Variants in TMEM163 observed in about 807,000 individuals in gnomAD.
TMEM163 encodes transmembrane protein 163.
In TMEM163, 17 loss-of-function variants were observed where a neutral mutation model predicts 29.3. That is an observed-to-expected ratio of 0.58 (90% CI 0.40 to 0.87). The LOEUF is 0.87. Among genes scored for constraint, TMEM163 ranks in the 40% least tolerant of loss-of-function variants. TMEM163 has a pLI of 0.00. For missense variants in TMEM163, 303 were observed against 381.5 expected, an observed-to-expected ratio of 0.79 and a Z score of 1.71; for synonymous variants, 157 against 160.6, an observed-to-expected ratio of 0.98 and a Z score of 0.17.
Position 134,458,558 on chromosome 2 carries a change from G to A in TMEM163, c.668-385C>T, listed in dbSNP as rs761790144. On this transcript the variant is annotated intron_variant, in intron 6 of 7. Coordinates refer to ENST00000281924, the MANE Select transcript of TMEM163 (RefSeq NM_030923.5). The stretch of plus-strand genomic sequence containing the variant: ...CACAGTAGACATTCAAATACTTGGG[G>A]ACTCATATCTGAGTGTCTGCTGGGC... 6.9e-4 allele frequency: 132 copies of A among 192,396 alleles called. 1 individual carries two copies. The highest frequency in any genetic ancestry group is 4.8e-4 in the Admixed American group (9 of 18,838). 11.9% of individuals were successfully genotyped at this position (192,396 alleles called of 1,614,324 possible).
At chr2:134,658,353 C>A (rs1426620186) in intron 2 of TMEM163, among the ~76,000 whole-genome samples, 1 of 152,146 alleles carries the variant, frequency 6.6e-6, no homozygotes, top group African/African-American at 2.4e-5. Flanking sequence ...CATGAAAGGC[C>A]TTTGTGAGGT....
Position 134,483,065 on chromosome 2 carries a change from C to G in TMEM163, c.556-16840G>C, listed in dbSNP as rs143477614. On this transcript the variant is annotated intron_variant, in intron 5 of 7. Transcript: ENST00000281924. ...GAAGCCACAGCAAAAGGTAAGGCAGCAGCGGCCGAGGGCTACGACCAGCTC... is the reference window on the plus strand; with the variant it reads ...GAAGCCACAGCAAAAGGTAAGGCAGGAGCGGCCGAGGGCTACGACCAGCTC... 1.4e-3 allele frequency among the ~76,000 whole-genome samples: 208 copies of G among 152,262 alleles called. 3 individuals carry two copies. In the East Asian group the frequency reaches 0.036, roughly 26 times the overall value.
intron 2 of TMEM163, among the ~76,000 whole-genome samples, chr2:134,566,239 G>A (rs765305552): frequency 6.6e-6 from 1 of 152,116 alleles, no homozygotes; most frequent in Non-Finnish European, 1.5e-5. Context: ...GAAAAAACGA[G>A]AAGAAAATGA....
intron 2 of TMEM163, among the ~76,000 whole-genome samples, chr2:134,586,368 C>T (rs1681824585): frequency 6.6e-6 from 1 of 152,234 alleles, no homozygotes; most frequent in Non-Finnish European, 1.5e-5. Context: ...CCCCAGCCCT[C>T]TCTCTAGCTG....
chr2:134,532,790 C>T (rs1402179081), intron 4 of TMEM163, among the ~76,000 whole-genome samples: 1 of 152,170 alleles, frequency 6.6e-6, no homozygotes, highest in African/African-American at 2.4e-5. Context: ...GTGAGCTTAC[C>T]ATTCCCCACA....
intron 7 of TMEM163, 55 bp from the exon 8 acceptor site, chr2:134,456,831 G>A (rs1574144171): frequency 1.3e-6 from 2 of 1,567,938 alleles, no homozygotes; most frequent in African/African-American, 2.7e-5. Flanking sequence ...TGAAGAGCTT[G>A]GGGAAGCGTA....
intron 2 of TMEM163, among the ~76,000 whole-genome samples, chr2:134,664,967 G>A (rs1045173885): frequency 6.6e-6 from 1 of 151,884 alleles, no homozygotes; most frequent in East Asian, 1.9e-4. Flanking sequence ...CGAATTCCCC[G>A]GCTCAAGCGA....
At chr2:134,459,627 C>T (rs368579495) in intron 6 of TMEM163, among the ~76,000 whole-genome samples, 2 of 152,094 alleles carry the variant, frequency 1.3e-5, no homozygotes, top group African/African-American at 2.4e-5. Flanking sequence ...CTCACACCCC[C>T]CTTCTGCCCG....
intron 4 of TMEM163, among the ~76,000 whole-genome samples, chr2:134,510,310 A>C (rs1679918988): frequency 6.6e-6 from 1 of 152,198 alleles, no homozygotes; most frequent in African/African-American, 2.4e-5. Flanking sequence ...ATAGGGCAGG[A>C]TCACCAAGTT....
chr2:134,512,760 G>A (rs1679978191), intron 4 of TMEM163, among the ~76,000 whole-genome samples: 2 of 152,216 alleles, frequency 1.3e-5, no homozygotes, highest in South Asian at 4.1e-4. Context: ...AGGTCTTAGA[G>A]CTGTTGTCAG....
chr2:134,707,841 GAGA>G (rs945731302), intron 2 of TMEM163, among the ~76,000 whole-genome samples: 18 of 151,928 alleles, frequency 1.2e-4, no homozygotes, highest in Admixed American at 5.9e-4. Context: ...CAGTCCTGAG[GAGA>G]AGAAGTTTGG....
chr2:134,550,001 C>G (rs1680876834), intron 4 of TMEM163, among the ~76,000 whole-genome samples: 1 of 152,048 alleles, frequency 6.6e-6, no homozygotes. Flanking sequence ...GATTACGGAA[C>G]CTGTGTCCTT....
intron 5 of TMEM163, among the ~76,000 whole-genome samples, chr2:134,500,941 T>C (rs1679683487): frequency 6.6e-6 from 1 of 152,130 alleles, no homozygotes. Flanking sequence ...ATATACTATA[T>C]AGGTTATAAT....
intron 2 of TMEM163, among the ~76,000 whole-genome samples, chr2:134,618,378 A>C (rs1380874314): frequency 6.6e-6 from 1 of 152,240 alleles, no homozygotes; most frequent in African/African-American, 2.4e-5. Context: ...ATACATATGC[A>C]TCTAACAAAA....
intron 5 of TMEM163, among the ~76,000 whole-genome samples, chr2:134,496,392 T>C (rs1426141702): frequency 6.6e-6 from 1 of 152,184 alleles, no homozygotes; most frequent in Non-Finnish European, 1.5e-5. Context: ...ACAAGAGTTC[T>C]ATTTCCAGTT....
Position 134,621,838 on chromosome 2 carries a change from C to T in TMEM163, c.323-69747G>A, listed in dbSNP as rs999696439. Among the ~76,000 whole-genome samples, 5 of 152,126 alleles carry T rather than the reference C, an allele frequency of 3.3e-5. No homozygotes were observed. In the East Asian group the frequency reaches 9.6e-4, roughly 29 times the overall value. On this transcript the variant is annotated intron_variant, in intron 2 of 7. Coordinates refer to ENST00000281924, the MANE Select transcript of TMEM163 (RefSeq NM_030923.5). ...CCCGGGAGGTGGAGCTTGCAGTGAG[C>T]TGAGATGGTGCCACTGTACTCCAGC... is the stretch of plus-strand genomic sequence containing the variant.
At chr2:134,497,531 C>T (rs1679598492) in intron 5 of TMEM163, among the ~76,000 whole-genome samples, 1 of 152,164 alleles carries the variant, frequency 6.6e-6, no homozygotes, top group Non-Finnish European at 1.5e-5. Flanking sequence ...GATCAGGACA[C>T]AGAGATAGCT....
chr2:134,515,764 C>T (rs930610334), intron 4 of TMEM163, among the ~76,000 whole-genome samples: 2 of 151,954 alleles, frequency 1.3e-5, no homozygotes, highest in African/African-American at 4.8e-5. Flanking sequence ...AATCTAAACC[C>T]AGGGGGAAAT....
chr2:134,542,046 C>A (rs964246760), intron 4 of TMEM163, among the ~76,000 whole-genome samples: 4 of 152,188 alleles, frequency 2.6e-5, no homozygotes, highest in African/African-American at 9.6e-5. Flanking sequence ...TCCCTTGTTG[C>A]TAAGTCAAAA....
Sources: gnomAD v4.1 joint callset for allele counts (sites outside exome capture counted in the v4.1 genomes callset) on GRCh38, gnomAD v4.1.1 for gene constraint, MANE v1.5 for transcripts, NCBI Gene and HGNC (gene_info 2026-07-23, HGNC 2026-07-21) for gene names.